Variants in NEGR1 observed in about 807,000 individuals in gnomAD.
The protein encoded by NEGR1 is neuronal growth regulator 1.
A neutral mutation model predicts 40.9 loss-of-function variants in NEGR1; 10 were observed. The ratio of observed to expected loss-of-function variants is 0.24; its 90% confidence interval spans 0.15 to 0.42. The LOEUF (loss-of-function observed/expected upper bound fraction) is 0.42, where lower values mean the gene tolerates loss of function less well. Among genes scored for constraint, NEGR1 ranks in the 10% least tolerant of loss-of-function variants. The pLI is 1.00. For missense variants in NEGR1, 352 were observed against 438.9 expected, an observed-to-expected ratio of 0.80 and a Z score of 1.77; for synonymous variants, 185 against 166.8, an observed-to-expected ratio of 1.11 and a Z score of -0.84.
rs114727815 is a variant in NEGR1, at chr1:71,668,658, C to T, written c.667+29350G>A. ...CCTAGAGTGCATCCTTTACCTAGAG[C>T]CTGAAAACATCAGATATCTAGATGA... On this transcript the variant is annotated intron_variant, in intron 4 of 6. Transcript: ENST00000357731. 6.9e-3 allele frequency among the ~76,000 whole-genome samples: 1,049 copies of T among 151,990 alleles called. 8 individuals are homozygous for T. The highest frequency in any genetic ancestry group is 0.024 in the African/African-American group (994 of 41,434).
chr1:71,704,143 T>C (rs890597155), intron 3 of NEGR1, among the ~76,000 whole-genome samples: 1 of 127,400 alleles, frequency 7.8e-6, no homozygotes, highest in Non-Finnish European at 1.6e-5. Flanking sequence ...GAAAATAGAA[T>C]CTCTCTCTCT....
intron 6 of NEGR1, among the ~76,000 whole-genome samples, chr1:71,511,169 C>T (rs765305906): frequency 2.0e-5 from 3 of 152,206 alleles, no homozygotes; most frequent in Non-Finnish European, 4.4e-5. Context: ...TTGACACCAG[C>T]ATTCAGCATA....
In NEGR1 at chr1:71,899,014, A is replaced by ATG. The variant is rs1464073024; in HGVS notation, c.409+36063_409+36064dup. Among the ~76,000 whole-genome samples the ATG allele has an allele frequency of 2.5e-5, 3 of 117,808 alleles. 1 individual carries two copies. The highest frequency in any genetic ancestry group is 9.0e-5 in the African/African-American group (3 of 33,406). 77.3% of individuals were successfully genotyped at this position (117,808 alleles called of 152,430 possible). On this transcript the variant is annotated intron_variant, in intron 2 of 6. Coordinates refer to ENST00000357731, the MANE Select transcript of NEGR1 (RefSeq NM_173808.3). Reference sequence around the variant, plus strand: ...TATATATATATATATATATATATATATGGCAACTAATGTGTGTGTGTGCGT... The same window carrying ATG: ...TATATATATATATATATATATATATATGTGGCAACTAATGTGTGTGTGTGCGT...
chr1:72,192,461 A>AT (rs1265211848), intron 1 of NEGR1, among the ~76,000 whole-genome samples: 12 of 151,774 alleles, frequency 7.9e-5, no homozygotes, highest in Non-Finnish European at 8.8e-5. Flanking sequence ...GAAAATATGG[A>AT]TTTTTTCTTA....
chr1:72,229,786 C>T (rs1043931005), intron 1 of NEGR1, among the ~76,000 whole-genome samples: 3 of 151,808 alleles, frequency 2.0e-5, no homozygotes, highest in Non-Finnish European at 4.4e-5. Flanking sequence ...GTGTTCTCTC[C>T]TAATAAGAAA....
intron 1 of NEGR1, among the ~76,000 whole-genome samples, chr1:72,131,939 A>C (rs1487464839): frequency 2.0e-5 from 3 of 152,062 alleles, no homozygotes; most frequent in Non-Finnish European, 2.9e-5. Context: ...TCTACTAAAA[A>C]TACAAAAAAA....
At chr1:72,067,220 T>C (rs933931052) in intron 1 of NEGR1, among the ~76,000 whole-genome samples, 1 of 152,148 alleles carries the variant, frequency 6.6e-6, no homozygotes, top group African/African-American at 2.4e-5. Context: ...CATGAATCTT[T>C]CATGTTTGGT....
At chr1:71,909,373 T>G (rs543232545) in intron 2 of NEGR1, among the ~76,000 whole-genome samples, 41 of 152,358 alleles carry the variant, frequency 2.7e-4, no homozygotes, top group Non-Finnish European at 4.1e-4. Flanking sequence ...TATTTTATAT[T>G]TCTTCAAAGA....
intron 6 of NEGR1, chr1:71,570,896 T>C (rs1326621935): frequency 2.0e-5 from 3 of 152,166 alleles, no homozygotes; most frequent in African/African-American, 7.2e-5. Flanking sequence ...TGTGTGATTT[T>C]ATATTTTTCA....
At chr1:71,863,238 T>G (rs1191836216) in intron 2 of NEGR1, among the ~76,000 whole-genome samples, 2 of 152,044 alleles carry the variant, frequency 1.3e-5, no homozygotes, top group African/African-American at 4.8e-5. Flanking sequence ...GAAAATTTGG[T>G]ACATATACAC....
At chr1:71,563,256 TA>T (rs1648518281) in intron 6 of NEGR1, among the ~76,000 whole-genome samples, 1 of 151,986 alleles carries the variant, frequency 6.6e-6, no homozygotes, top group South Asian at 2.1e-4. Flanking sequence ...GGGAGATACT[TA>T]ATCTCCTGGA....
chr1:71,966,055 T>C (rs908163288), intron 1 of NEGR1, among the ~76,000 whole-genome samples: 1 of 152,198 alleles, frequency 6.6e-6, no homozygotes, highest in East Asian at 1.9e-4. Flanking sequence ...TTAATAACTA[T>C]GTTATCCTAA....
chr1:71,475,865 A>C (rs951462501), intron 6 of NEGR1, among the ~76,000 whole-genome samples: 6 of 151,828 alleles, frequency 4.0e-5, no homozygotes, highest in African/African-American at 1.5e-4. Flanking sequence ...TTTTATTCTC[A>C]TTTTTTTCTA....
chr1:71,637,759 A>C (rs1651205412), intron 4 of NEGR1, among the ~76,000 whole-genome samples: 1 of 151,956 alleles, frequency 6.6e-6, no homozygotes, highest in East Asian at 1.9e-4. Flanking sequence ...AGAGGGAGAC[A>C]AAGAAGCATC....
intron 4 of NEGR1, among the ~76,000 whole-genome samples, chr1:71,680,077 TA>T (rs1418155543): frequency 1.3e-5 from 2 of 152,040 alleles, no homozygotes; most frequent in Non-Finnish European, 2.9e-5. Context: ...TCTATAATAT[TA>T]TTTCCTTCTA....
At chr1:71,985,860 T>C (rs1646389841) in intron 1 of NEGR1, among the ~76,000 whole-genome samples, 2 of 152,194 alleles carry the variant, frequency 1.3e-5, no homozygotes, top group Admixed American at 1.3e-4. Flanking sequence ...CAAATTTTGC[T>C]TCACCATACT....
At chr1:71,459,416 G>A (rs1646698540) in intron 6 of NEGR1, among the ~76,000 whole-genome samples, 1 of 152,138 alleles carries the variant, frequency 6.6e-6, no homozygotes, top group Non-Finnish European at 1.5e-5. Context: ...ATAGTTCTAA[G>A]TATGTCACTT....
chr1:71,779,215 G>A (rs1365837035), intron 2 of NEGR1, among the ~76,000 whole-genome samples: 1 of 152,124 alleles, frequency 6.6e-6, no homozygotes, highest in Non-Finnish European at 1.5e-5. Flanking sequence ...GTGTTGCTTT[G>A]CTGAATATTC....
At chr1:71,435,056 A>G (rs1308300825) in intron 6 of NEGR1, among the ~76,000 whole-genome samples, 1 of 152,000 alleles carries the variant, frequency 6.6e-6, no homozygotes, top group Non-Finnish European at 1.5e-5. Flanking sequence ...GCGCCAATGC[A>G]CTCCAGCCTG....
Sources: allele counts gnomAD v4.1 joint callset (sites outside exome capture counted in the v4.1 genomes callset), GRCh38; gene constraint gnomAD v4.1.1; transcripts MANE v1.5; gene names NCBI Gene and HGNC (gene_info 2026-07-23, HGNC 2026-07-21).